The following RAB15 variants were observed in gnomAD, a reference collection of about 807,000 sequenced individuals.
RAB15 encodes RAB15, member RAS oncogene family.
A neutral mutation model predicts 31.8 loss-of-function variants in RAB15; 13 were observed. That is an observed-to-expected ratio of 0.41 (90% CI 0.27 to 0.65). The LOEUF (loss-of-function observed/expected upper bound fraction) is 0.65. Among genes scored for constraint, RAB15 ranks in the 30% least tolerant of loss-of-function variants. The pLI, the probability that RAB15 is intolerant of heterozygous loss-of-function variation, is 0.32. For synonymous variants in RAB15, 100 were observed against 105.6 expected, an observed-to-expected ratio of 0.95 and a Z score of 0.33; for missense variants, 220 against 277.3, an observed-to-expected ratio of 0.79 and a Z score of 1.47.
Position 64,948,045 on chromosome 14 carries a change from C to T in RAB15, c.*309G>A, listed in dbSNP as rs191126978. On this transcript the variant is annotated 3_prime_UTR_variant, in exon 7 of 7. Transcript: ENST00000533601. This position sits in a 1 kb window ranked among gnomAD's most constrained non-coding sequence, Gnocchi z 7.0. Reference sequence around the variant, plus strand: ...CAGCTGAAAGTGGCCTGGACTCCAGCCCTGGCTGTTGTCTGGTGGGTGCGG... The same window carrying T: ...CAGCTGAAAGTGGCCTGGACTCCAGTCCTGGCTGTTGTCTGGTGGGTGCGG... 5.3e-5 allele frequency: 17 copies of T among 318,694 alleles called. No individual in the cohort carries two copies. 19.7% of individuals were successfully genotyped at this position (318,694 alleles called of 1,614,324 possible).
rs888365231 is a variant in RAB15, at chr14:64,955,553, G to A, written c.125-2982C>T. ...TGCTTAGCAAACTGTTTATTCACAT[G>A]TGTGTTCACCTATCACTGTCCCCCC... On this transcript the variant is annotated intron_variant, in intron 1 of 6. Transcript: ENST00000533601. The surrounding 1 kb of genome is among the most constrained non-coding windows in gnomAD (Gnocchi z 4.4). Among the ~76,000 whole-genome samples, 1 of 152,138 alleles carries A rather than the reference G, an allele frequency of 6.6e-6. No homozygotes were observed. Among genetic ancestry groups the A allele is most frequent in the African/African-American group, 2.4e-5 (1 of 41,408 alleles).
intron 1 of RAB15, among the ~76,000 whole-genome samples, chr14:64,967,718 T>C (rs566129499): frequency 1.2e-3 from 187 of 152,344 alleles, no homozygotes; most frequent in Middle Eastern, 3.4e-3. Flanking sequence ...TGAACATAGA[T>C]GTCCATGTAT....
rs1352171520 is a variant in RAB15 at position 64,950,593 on chromosome 14, G to C, written c.325-179C>G. ...CCATGGCTGACCTCAAGGGTATCAC[G>C]GGGAGAGCTTAGGGTAGAAGACACT... On this transcript the variant is annotated intron_variant, in intron 4 of 6. Transcript: ENST00000533601. This position sits in a 1 kb window ranked among gnomAD's most constrained non-coding sequence, Gnocchi z 5.6. The C allele has an allele frequency of 3.1e-6, 2 of 651,554 alleles. No individual in the cohort carries two copies. The highest frequency in any genetic ancestry group is 5.5e-6 in the Non-Finnish European group (2 of 364,168). 40.4% of individuals were successfully genotyped at this position (651,554 alleles called of 1,614,324 possible).
rs371624462 is a variant in RAB15, at chr14:64,951,162, G to C, written c.247-11C>G. Reference sequence around the variant, plus strand: ...GACCAAAAATATCCCCTGAGAGAGAGAGAAATAGAGAGATGTGATATGCAC... The same window carrying C: ...GACCAAAAATATCCCCTGAGAGAGACAGAAATAGAGAGATGTGATATGCAC... On this transcript the variant is annotated splice_polypyrimidine_tract_variant and intron_variant, in intron 3 of 6. Coordinates refer to ENST00000533601, the MANE Select transcript of RAB15 (RefSeq NM_001308154.2). This position sits in a 1 kb window ranked among gnomAD's most constrained non-coding sequence, Gnocchi z 7.2. 8.3e-5 allele frequency: 133 copies of C among 1,602,254 alleles called. No individual in the cohort carries two copies. The highest frequency in any genetic ancestry group is 1.1e-4 in the Non-Finnish European group (126 of 1,171,840).
chr14:64,948,842 GATTTCTCAGAGTAGATA>G lies in RAB15; in HGVS notation c.415-126_415-110del. ...ACTCACAACCATGCTGTGTTGTGAC[GATTTCTCAGAGTAGATA>G]ATTTCTCAGATGGGACTGGGAGCTC... On this transcript the variant is annotated intron_variant, in intron 5 of 6. Coordinates refer to ENST00000533601, the MANE Select transcript of RAB15 (RefSeq NM_001308154.2). This position sits in a 1 kb window ranked among gnomAD's most constrained non-coding sequence, Gnocchi z 7.0. 1 of 934,868 alleles carries G rather than the reference GATTTCTCAGAGTAGATA, an allele frequency of 1.1e-6. No homozygotes were observed. 57.9% of individuals were successfully genotyped at this position (934,868 alleles called of 1,614,324 possible).
In RAB15 at chr14:64,954,051, C is replaced by G. The variant is rs1886408956; in HGVS notation, c.125-1480G>C. 3 of 985,438 alleles carry G rather than the reference C, an allele frequency of 3.0e-6. No individual in the cohort carries two copies. The highest frequency in any genetic ancestry group is 3.5e-5 in the African/African-American group (2 of 57,352). The allele number at this position is 985,438 out of a possible 1,614,324, so 61.0% of individuals were successfully genotyped here. The stretch of plus-strand genomic sequence containing the variant: ...TTAAATTCTGTCTCTTCCTTCCCAC[C>G]ATCAAGACCAATCATCATTTAATTA... On this transcript the variant is annotated intron_variant, in intron 1 of 6. Transcript: ENST00000533601. This position sits in a 1 kb window ranked among gnomAD's most constrained non-coding sequence, Gnocchi z 4.3.
In RAB15 at chr14:64,971,758, C is replaced by T; in HGVS notation, c.124+195G>A. 1.7e-6 allele frequency: 1 copy of T among 589,590 alleles called. No homozygotes were observed. Among genetic ancestry groups the T allele is most frequent in the Non-Finnish European group, 3.0e-6 (1 of 334,952 alleles). 36.5% of individuals were successfully genotyped at this position (589,590 alleles called of 1,614,324 possible). ...AGAGGCGGGAGACCCCACCCCTGGT[C>T]CGGACGGCAGGCAGCAGGGACACCC... is the stretch of plus-strand genomic sequence containing the variant. On this transcript the variant is annotated intron_variant, in intron 1 of 6. Coordinates refer to ENST00000533601, the MANE Select transcript of RAB15 (RefSeq NM_001308154.2). The surrounding 1 kb of genome is among the most constrained non-coding windows in gnomAD (Gnocchi z 4.1).
chr14:64,951,295 C>G lies in RAB15; in HGVS notation c.247-144G>C. On this transcript the variant is annotated intron_variant, in intron 3 of 6. Transcript: ENST00000533601. This position sits in a 1 kb window ranked among gnomAD's most constrained non-coding sequence, Gnocchi z 7.2. ...TCCAGAAATATCTCTTCTCTCAGAC[C>G]CCACCACTGCCGCCTCCCAGGCCCA... is the stretch of plus-strand genomic sequence containing the variant. 1 of 699,010 alleles carries G rather than the reference C, an allele frequency of 1.4e-6. No individual in the cohort carries two copies. Among genetic ancestry groups the G allele is most frequent in the Non-Finnish European group, 2.4e-6 (1 of 413,328 alleles). 43.3% of individuals were successfully genotyped at this position (699,010 alleles called of 1,614,324 possible).
intron 1 of RAB15, among the ~76,000 whole-genome samples, chr14:64,960,214 G>A (rs1204116102): frequency 1.3e-5 from 2 of 152,216 alleles, no homozygotes; most frequent in Non-Finnish European, 2.9e-5. Context: ...ATAGAGGGAT[G>A]CAGCAGGCGA....
chr14:64,949,738 AAG>A (rs1237358009), intron 5 of RAB15, among the ~76,000 whole-genome samples: 2 of 144,698 alleles, frequency 1.4e-5, no homozygotes, highest in Non-Finnish European at 3.0e-5. Context: ...AAAAAAAAAA[AAG>A]AAAGAAAGAA....
rs964924840 is a variant in RAB15 at position 64,971,880 on chromosome 14, G to A, written c.124+73C>T. 9.8e-6 allele frequency: 14 copies of A among 1,435,338 alleles called. No homozygotes were observed. Among genetic ancestry groups the A allele is most frequent in the Non-Finnish European group, 1.3e-5 (14 of 1,058,682 alleles). 88.9% of individuals were successfully genotyped at this position (1,435,338 alleles called of 1,614,324 possible). A position where few individuals can be genotyped will look rare whatever the true frequency, so the allele number is the denominator to read the frequency against. Reference sequence around the variant, plus strand: ...CGGAGGGGCTGGCAATTCCTCCCCAGCTGGGGACGGGGGCGGCGGGGAAAG... The same window carrying A: ...CGGAGGGGCTGGCAATTCCTCCCCAACTGGGGACGGGGGCGGCGGGGAAAG... On this transcript the variant is annotated intron_variant, in intron 1 of 6. Coordinates refer to ENST00000533601, the MANE Select transcript of RAB15 (RefSeq NM_001308154.2). This position sits in a 1 kb window ranked among gnomAD's most constrained non-coding sequence, Gnocchi z 4.1.
At chr14:64,949,854 C>A (rs2139965418) in intron 5 of RAB15, among the ~76,000 whole-genome samples, 1 of 152,270 alleles carries the variant, frequency 6.6e-6, no homozygotes, top group East Asian at 1.9e-4. Context: ...GCCCCCATGG[C>A]TTCTCCAGCT....
Position 64,955,894 on chromosome 14 carries a change from G to A in RAB15, c.125-3323C>T, listed in dbSNP as rs1412699685. On this transcript the variant is annotated intron_variant, in intron 1 of 6. Coordinates refer to ENST00000533601, the MANE Select transcript of RAB15 (RefSeq NM_001308154.2). This position sits in a 1 kb window ranked among gnomAD's most constrained non-coding sequence, Gnocchi z 4.4. ...TGGTTTCACATTCCGGCTCCTCTAA[G>A]GTCATATTTCTCAAACTTCCAGGTG... Among the ~76,000 whole-genome samples the A allele has an allele frequency of 1.3e-5, 2 of 152,186 alleles. No individual in the cohort carries two copies. The highest frequency in any genetic ancestry group is 2.9e-5 in the Non-Finnish European group (2 of 68,040).
At position 64,953,554 on chromosome 14, in the gene RAB15, C is replaced by A. The variant is rs947505229; in HGVS notation, c.125-983G>T. On this transcript the variant is annotated intron_variant, in intron 1 of 6. Coordinates refer to ENST00000533601, the MANE Select transcript of RAB15 (RefSeq NM_001308154.2). This position sits in a 1 kb window ranked among gnomAD's most constrained non-coding sequence, Gnocchi z 4.6. ...CCAAGGGCTGGAGGAGCTAAGCTGC[C>A]ACGAGACACAAGAAACCGAAGGGAT... Among the ~76,000 whole-genome samples, 1 of 152,150 alleles carries A rather than the reference C, an allele frequency of 6.6e-6. No homozygotes were observed. The highest frequency in any genetic ancestry group is 2.1e-4 in the South Asian group (1 of 4,828).
chr14:64,949,614 T>C (rs1354407435), intron 5 of RAB15, among the ~76,000 whole-genome samples: 2 of 151,546 alleles, frequency 1.3e-5, no homozygotes, highest in Admixed American at 1.3e-4. Flanking sequence ...TCTCAGCTAC[T>C]TGGGAGGCTG....
Position 64,948,618 on chromosome 14 carries a change from C to T in RAB15, c.480+50G>A. The T allele has an allele frequency of 6.2e-7, 1 of 1,612,586 alleles. No individual in the cohort carries two copies. The highest frequency in any genetic ancestry group is 8.5e-7 in the Non-Finnish European group (1 of 1,178,770). ...CATCTTATGGCTCCTCCTCCCACCT[C>T]TGCTGGACTCAGCCCGAGAGAGCGG... On this transcript the variant is annotated intron_variant, in intron 6 of 6. Coordinates refer to ENST00000533601, the MANE Select transcript of RAB15 (RefSeq NM_001308154.2). The surrounding 1 kb of genome is among the most constrained non-coding windows in gnomAD (Gnocchi z 7.0).
chr14:64,948,753 C>G lies in RAB15; in HGVS notation c.415-20G>C, dbSNP rs994025470. The G allele has an allele frequency of 1.9e-6, 3 of 1,608,646 alleles. No individual in the cohort carries two copies. Among genetic ancestry groups the G allele is most frequent in the Non-Finnish European group, 2.5e-6 (3 of 1,176,796 alleles). ...CGCCAGCTGCAAGAGAAGGACATTT[C>G]TGAAAGAGAGTCAGTAAGGCAGGGG... On this transcript the variant is annotated intron_variant, in intron 5 of 6. Transcript: ENST00000533601. The surrounding 1 kb of genome is among the most constrained non-coding windows in gnomAD (Gnocchi z 7.0).
rs1400056537 is a variant in RAB15 at position 64,954,041 on chromosome 14, T to C, written c.125-1470A>G. 3 of 985,280 alleles carry C rather than the reference T, an allele frequency of 3.0e-6. No individual in the cohort carries two copies. Among genetic ancestry groups the C allele is most frequent in the Non-Finnish European group, 3.6e-6 (3 of 829,934 alleles). The allele number at this position is 985,280 out of a possible 1,614,324, so 61.0% of individuals were successfully genotyped here. Reference sequence around the variant, plus strand: ...GGCAAACAAATTAAATTCTGTCTCTTCCTTCCCACCATCAAGACCAATCAT... The same window carrying C: ...GGCAAACAAATTAAATTCTGTCTCTCCCTTCCCACCATCAAGACCAATCAT... On this transcript the variant is annotated intron_variant, in intron 1 of 6. Coordinates refer to ENST00000533601, the MANE Select transcript of RAB15 (RefSeq NM_001308154.2). The surrounding 1 kb of genome is among the most constrained non-coding windows in gnomAD (Gnocchi z 4.3).
rs773116404 is a variant in RAB15, at chr14:64,951,230, T to G, written c.247-79A>C. 2 of 1,234,008 alleles carry G rather than the reference T, an allele frequency of 1.6e-6. No individual in the cohort carries two copies. Among genetic ancestry groups the G allele is most frequent in the Non-Finnish European group, 2.3e-6 (2 of 859,554 alleles). 76.4% of individuals were successfully genotyped at this position (1,234,008 alleles called of 1,614,324 possible). A position where few individuals can be genotyped will look rare whatever the true frequency, so the allele number is the denominator to read the frequency against. ...GGGGCCAGAAGGGGCCGTGGAAACTTAAAGGTTGGGTCCCACTCTCCCATT... is the reference window on the plus strand; with the variant it reads ...GGGGCCAGAAGGGGCCGTGGAAACTGAAAGGTTGGGTCCCACTCTCCCATT... On this transcript the variant is annotated intron_variant, in intron 3 of 6. Transcript: ENST00000533601. This position sits in a 1 kb window ranked among gnomAD's most constrained non-coding sequence, Gnocchi z 7.2.
Sources: allele counts gnomAD v4.1 joint callset (sites outside exome capture counted in the v4.1 genomes callset), GRCh38; gene constraint gnomAD v4.1.1; non-coding constraint Gnocchi (gnomAD v3.1); transcripts MANE v1.5; gene names NCBI Gene and HGNC (gene_info 2026-07-23, HGNC 2026-07-21).